IRAG2: variants seen among roughly 807,000 people sequenced by gnomAD.
IRAG2 encodes the protein lymphoid restricted membrane protein.
In IRAG2, 45 loss-of-function variants were observed where a neutral mutation model predicts 69.9. The ratio of observed to expected loss-of-function variants is 0.64; its 90% CI spans 0.51 to 0.83. IRAG2 has a LOEUF of 0.83. Among genes scored for constraint, IRAG2 ranks in the 40% least tolerant of loss-of-function variants. The pLI, the probability that IRAG2 is intolerant of heterozygous loss-of-function variation, is 0.00. For synonymous variants in IRAG2, 193 were observed against 202.4 expected (o/e 0.95, Z 0.40); for missense variants, 520 against 587.0 (o/e 0.89, Z 1.18).
chr12:25,090,204 A>C lies in IRAG2; in HGVS notation c.606+7A>C. 1.9e-6 allele frequency: 3 copies of C among 1,612,734 alleles called. No individual in the cohort carries two copies. Among genetic ancestry groups the C allele is most frequent in the Non-Finnish European group, 2.5e-6 (3 of 1,179,146 alleles). On this transcript the variant is annotated splice_region_variant and intron_variant, in intron 14 of 21. Transcript: ENST00000556887. ...CTGTTTAAAACTATTAGAGGTGAGAATCAGAACATTTGGGATATAAACATT... is the reference window on the plus strand; with the variant it reads ...CTGTTTAAAACTATTAGAGGTGAGACTCAGAACATTTGGGATATAAACATT...
Position 25,101,183 on chromosome 12 carries a change from C to T in IRAG2, c.747C>T (p.Ser249=). ...CTCGTTTTTTCTCTTGCTAGGAAAG[C>T]CGGGTTAGTAAAGCAGTTGAAGTGA... The part of the protein sequence containing the change: ...AEMLGAINQE[S]RVSKAVEVMI... Residue 249 remains serine (S), a synonymous_variant, in exon 16 of 22, where the codon AGC becomes AGT. Coordinates refer to ENST00000556887, the MANE Select transcript of IRAG2 (RefSeq NM_001366544.2). 6.3e-7 allele frequency: 1 copy of T among 1,591,688 alleles called. No individual in the cohort carries two copies. The highest frequency in any genetic ancestry group is 2.3e-5 in the East Asian group (1 of 44,148).
At chr12:25,011,757 A>C (rs769353410) in intron 3 of IRAG2, among the ~76,000 whole-genome samples, 2 of 152,156 alleles carry the variant, frequency 1.3e-5, no homozygotes, top group African/African-American at 2.4e-5. Flanking sequence ...GATAATTTAC[A>C]TTCTAACAAG....
At chr12:25,061,512 C>T in intron 1 of IRAG2, 80 bp from the exon 2 acceptor site, 1 of 397,480 alleles carries the variant, frequency 2.5e-6, no homozygotes, top group Non-Finnish European at 4.4e-6. Flanking sequence ...GCAATAGAAC[C>T]AAATCCTGTC....
intron 20 of IRAG2, 86 bp downstream of exon 20, chr12:25,104,548 A>G: frequency 1.3e-6 from 1 of 752,498 alleles, no homozygotes; most frequent in Non-Finnish European, 2.4e-6. Flanking sequence ...GAGATGAAAT[A>G]ATGCTGTATA....
chr12:25,085,163 C>T (rs1046125045), intron 10 of IRAG2, among the ~76,000 whole-genome samples: 1 of 152,262 alleles, frequency 6.6e-6, no homozygotes, highest in Non-Finnish European at 1.5e-5. Flanking sequence ...GACCCTCAGC[C>T]TTATCACAAG....
intron 6 of IRAG2, among the ~76,000 whole-genome samples, chr12:25,073,762 CAA>C (rs10548347): frequency 0.25 from 37,311 of 152,050 alleles, 5,029 homozygotes; most frequent in Middle Eastern, 0.3. Flanking sequence ...AAGAAGGAAA[CAA>C]ATTATTTCCA....
chr12:25,090,168 G>A lies in IRAG2; in HGVS notation c.577G>A (p.Glu193Lys). The A allele has an allele frequency of 6.2e-7, 1 of 1,613,870 alleles. No homozygotes were observed. Among genetic ancestry groups the A allele is most frequent in the East Asian group, 2.2e-5 (1 of 44,888 alleles). Residue 193 changes from glutamate (E) to lysine (K), a missense_variant, in exon 14 of 22, where the codon GAA becomes AAA. Glu to Lys is a moderately conservative substitution (Grantham distance 56, BLOSUM62 1). Transcript: ENST00000556887. Reference sequence around the variant, plus strand: ...CTTGGCAGAAGAAAATTTGAAGAAAGAAATCACTAACTGTTTAAAACTATT... The same window carrying A: ...CTTGGCAGAAGAAAATTTGAAGAAAAAAATCACTAACTGTTTAAAACTATT... ...RDLAEENLKK[E>K]ITNCLKLLES...
intron 4 of IRAG2, among the ~76,000 whole-genome samples, chr12:25,065,575 C>T (rs556057981): frequency 3.3e-4 from 51 of 152,274 alleles, no homozygotes; most frequent in Non-Finnish European, 6.5e-4. Flanking sequence ...GTAAAAGACC[C>T]GATAGTAAAT....
intron 9 of IRAG2, among the ~76,000 whole-genome samples, chr12:25,082,903 A>G (rs979817616): frequency 3.9e-5 from 6 of 152,244 alleles, no homozygotes. Flanking sequence ...ACATAAAAAT[A>G]AACAGAAATT....
At chr12:25,104,525 C>A in intron 20 of IRAG2, 63 bp downstream of exon 20, 1 of 891,416 alleles carries the variant, frequency 1.1e-6, no homozygotes, top group Non-Finnish European at 1.9e-6. Flanking sequence ...ATGGGAATCA[C>A]TTTTATTCCA....
At chr12:25,058,340 G>A (rs1026725485) in intron 1 of IRAG2, among the ~76,000 whole-genome samples, 2 of 152,182 alleles carry the variant, frequency 1.3e-5, no homozygotes, top group Non-Finnish European at 2.9e-5. Flanking sequence ...ATGTAATGAT[G>A]TTGGGACCTT....
At chr12:25,041,135 GGTT>G (rs975027111) in intron 16 of IRAG2, among the ~76,000 whole-genome samples, 2 of 152,120 alleles carry the variant, frequency 1.3e-5, no homozygotes, top group African/African-American at 4.8e-5. Flanking sequence ...AGGAGCCTGA[GGTT>G]GTAGTGAGCT....
At chr12:25,030,201 A>C in intron 9 of IRAG2, 1 of 943,380 alleles carries the variant, frequency 1.1e-6, no homozygotes, top group Non-Finnish European at 1.4e-6. Flanking sequence ...GAAACATCTT[A>C]CTGGAATGAT....
intron 9 of IRAG2, among the ~76,000 whole-genome samples, chr12:25,028,481 T>C (rs1405359469): frequency 6.6e-6 from 1 of 152,212 alleles, no homozygotes; most frequent in Non-Finnish European, 1.5e-5. Flanking sequence ...AACCTCAACC[T>C]GAGATAATGT....
chr12:25,013,146 T>A (rs1304954075), intron 3 of IRAG2, among the ~76,000 whole-genome samples: 1 of 152,184 alleles, frequency 6.6e-6, no homozygotes, highest in Non-Finnish European at 1.5e-5. Context: ...ATAGCTTTTT[T>A]AAGAGCAATT....
chr12:25,005,395 TC>T (rs1283872354), intron 2 of IRAG2: 1 of 852,712 alleles, frequency 1.2e-6, no homozygotes, highest in African/African-American at 1.8e-5. Flanking sequence ...GGTAGGACTG[TC>T]CAAGTCATCT....
intron 9 of IRAG2, among the ~76,000 whole-genome samples, chr12:25,081,046 A>G (rs568631595): frequency 6.6e-6 from 1 of 152,330 alleles, no homozygotes; most frequent in South Asian, 2.1e-4. Context: ...CTATATAGAC[A>G]TACCTACGAT....
At chr12:25,025,191 GAGAAA>G in intron 8 of IRAG2, among the ~76,000 whole-genome samples, 1 of 152,312 alleles carries the variant, frequency 6.6e-6, no homozygotes, top group Non-Finnish European at 1.5e-5. Flanking sequence ...AAGAGCTATA[GAGAAA>G]AGAAAAGCAG....
At chr12:25,028,126 T>C (rs767193896) in intron 9 of IRAG2, among the ~76,000 whole-genome samples, 3 of 152,142 alleles carry the variant, frequency 2.0e-5, no homozygotes, top group Admixed American at 6.5e-5. Flanking sequence ...GATTTCACCA[T>C]GTTGGCCAGG....
Sources: allele counts gnomAD v4.1 joint callset (sites outside exome capture counted in the v4.1 genomes callset), GRCh38; gene constraint gnomAD v4.1.1; transcripts MANE v1.5; gene names NCBI Gene and HGNC (gene_info 2026-07-23, HGNC 2026-07-21).